Variants in SLIT3 observed in about 807,000 individuals in gnomAD.
SLIT3 encodes slit guidance ligand 3, also known as slit homolog 3 protein.
A neutral mutation model predicts 184.0 loss-of-function variants in SLIT3; 68 were observed. The observed-to-expected ratio is 0.37, with a 90% CI of 0.30 to 0.45. The LOEUF (loss-of-function observed/expected upper bound fraction) is 0.45, where lower values mean the gene tolerates loss of function less well. SLIT3 is among the 20% of genes least tolerant of loss of function. The pLI is 1.00. For missense variants in SLIT3, 1,707 were observed against 2,026.0 expected, an observed-to-expected ratio of 0.84 and a Z score of 3.02; for synonymous variants, 831 against 828.6, an observed-to-expected ratio of 1.00 and a Z score of -0.05.
At chr5:168,755,596 T>C (rs557750811) in intron 16 of SLIT3, among the ~76,000 whole-genome samples, 72 of 151,700 alleles carry the variant, frequency 4.7e-4, no homozygotes, top group Non-Finnish European at 4.4e-4. Flanking sequence ...CACCATGCCC[T>C]GCTAATTTTT....
chr5:169,100,110 CAGAGT>C (rs1759951577), intron 4 of SLIT3, among the ~76,000 whole-genome samples: 1 of 152,196 alleles, frequency 6.6e-6, no homozygotes, highest in Non-Finnish European at 1.5e-5. Flanking sequence ...AGTGAAAAAA[CAGAGT>C]AGAGTGTGTG....
chr5:168,842,469 G>GTTTT (rs778998998), intron 6 of SLIT3, among the ~76,000 whole-genome samples: 12,514 of 87,588 alleles, frequency 0.14, 1,196 homozygotes, highest in East Asian at 0.22. Flanking sequence ...CCGTTTTTTC[G>GTTTT]TTTTTTTTTT....
chr5:168,768,908 A>G (rs961581586), intron 14 of SLIT3, among the ~76,000 whole-genome samples: 1 of 152,180 alleles, frequency 6.6e-6, no homozygotes, highest in Non-Finnish European at 1.5e-5. Flanking sequence ...AAAAGAAAAT[A>G]TATCTCTCTA....
chr5:168,857,999 C>T (rs760745256), intron 5 of SLIT3, among the ~76,000 whole-genome samples: 22 of 152,234 alleles, frequency 1.4e-4, no homozygotes, highest in Non-Finnish European at 2.5e-4. Flanking sequence ...GAGATGTCTC[C>T]TCTTCCTGCT....
chr5:169,249,445 TTC>T (rs1354305415), intron 2 of SLIT3, among the ~76,000 whole-genome samples: 1 of 152,236 alleles, frequency 6.6e-6, no homozygotes, highest in Non-Finnish European at 1.5e-5. Flanking sequence ...ATTTTAAACT[TTC>T]TATTTGCAGA....
chr5:168,821,727 T>C (rs1354490172), intron 7 of SLIT3, among the ~76,000 whole-genome samples: 1 of 152,136 alleles, frequency 6.6e-6, no homozygotes, highest in Non-Finnish European at 1.5e-5. Flanking sequence ...AGGCACTTTA[T>C]GTGTTAAACT....
At chr5:169,003,439 G>A (rs1423398173) in intron 4 of SLIT3, among the ~76,000 whole-genome samples, 8 of 152,158 alleles carry the variant, frequency 5.3e-5, no homozygotes, top group Non-Finnish European at 1.2e-4. Flanking sequence ...CATTGCTAAC[G>A]TCTCCTCCGA....
At chr5:169,147,551 G>A (rs1048540449) in intron 4 of SLIT3, among the ~76,000 whole-genome samples, 3 of 152,162 alleles carry the variant, frequency 2.0e-5, no homozygotes, top group Admixed American at 6.5e-5. Context: ...GAGCCACCAC[G>A]CCTGGCCATA....
At chr5:168,832,666 A>G (rs958541249) in intron 6 of SLIT3, among the ~76,000 whole-genome samples, 2 of 152,174 alleles carry the variant, frequency 1.3e-5, no homozygotes, top group African/African-American at 4.8e-5. Flanking sequence ...ACTAAATGGG[A>G]TCGTCACTTC....
intron 4 of SLIT3, among the ~76,000 whole-genome samples, chr5:169,132,256 A>G (rs544778653): frequency 5.9e-5 from 9 of 152,308 alleles, no homozygotes; most frequent in African/African-American, 2.2e-4. Context: ...GAAATTCCAG[A>G]AGACAGGAAC....
rs543458854 is a variant in SLIT3 at position 168,714,833 on chromosome 5, T to C, written c.2484-2479A>G. Among the ~76,000 whole-genome samples, 12 of 152,272 alleles carry C rather than the reference T, an allele frequency of 7.9e-5. No homozygotes were observed. The South Asian group carries it at 1.7e-3, about 21-fold the overall frequency. ...CAAGCAACTGTCAACTCTCAGTGGC[T>C]CATCTTCAAGCACTTGGAACTCCTC... is the stretch of plus-strand genomic sequence containing the variant. On this transcript the variant is annotated intron_variant, in intron 23 of 35. Coordinates refer to ENST00000519560, the MANE Select transcript of SLIT3 (RefSeq NM_003062.4).
chr5:168,869,896 A>G (rs1759448035), intron 5 of SLIT3, among the ~76,000 whole-genome samples: 1 of 152,230 alleles, frequency 6.6e-6, no homozygotes, highest in Non-Finnish European at 1.5e-5. Flanking sequence ...TACAGAGAGA[A>G]CTTTAAAGGA....
At chr5:168,832,986 C>T (rs142772047) in intron 6 of SLIT3, among the ~76,000 whole-genome samples, 28 of 152,200 alleles carry the variant, frequency 1.8e-4, no homozygotes, top group African/African-American at 5.3e-4. Flanking sequence ...GTAGTTGAAA[C>T]CTTCCTTCTA....
intron 4 of SLIT3, among the ~76,000 whole-genome samples, chr5:169,186,293 C>A (rs1209018840): frequency 6.6e-6 from 1 of 152,084 alleles, no homozygotes; most frequent in Non-Finnish European, 1.5e-5. Flanking sequence ...GTTATGCTAC[C>A]ACAGAGGCAC....
chr5:168,993,329 T>G (rs924974654), intron 4 of SLIT3, among the ~76,000 whole-genome samples: 3 of 152,348 alleles, frequency 2.0e-5, no homozygotes, highest in Non-Finnish European at 1.5e-5. Flanking sequence ...AGCACCCACA[T>G]GTCAGGCTTC....
At chr5:169,028,714 AAGCT>A (rs1442466658) in intron 4 of SLIT3, among the ~76,000 whole-genome samples, 4 of 152,218 alleles carry the variant, frequency 2.6e-5, no homozygotes, top group Admixed American at 6.5e-5. Flanking sequence ...AAGAACCACT[AAGCT>A]AGCTAGACTA....
chr5:168,686,927 C>T, intron 30 of SLIT3, 52 bp downstream of exon 30: 1 of 1,597,112 alleles, frequency 6.3e-7, no homozygotes, highest in Non-Finnish European at 8.6e-7. Context: ...CAGCCCCAGC[C>T]CCTGCCACCT....
At chr5:168,696,218 T>A in intron 28 of SLIT3, 74 bp downstream of exon 28, 2 of 1,553,754 alleles carry the variant, frequency 1.3e-6, no homozygotes, top group Non-Finnish European at 1.8e-6. Context: ...AGAGAGTCCC[T>A]GGAGGAAGTT....
chr5:168,752,691 G>C, intron 18 of SLIT3: 2 of 458,256 alleles, frequency 4.4e-6, no homozygotes, highest in Non-Finnish European at 7.9e-6. Flanking sequence ...CACCATGCCT[G>C]GCCTTCCAGC....
Sources: allele counts gnomAD v4.1 joint callset (sites outside exome capture counted in the v4.1 genomes callset), GRCh38; gene constraint gnomAD v4.1.1; transcripts MANE v1.5; gene names NCBI Gene and HGNC (gene_info 2026-07-23, HGNC 2026-07-21).